The following TENM3 variants were observed in gnomAD, a reference collection of about 807,000 sequenced individuals.
The protein encoded by TENM3 is teneurin transmembrane protein 3.
A neutral mutation model predicts 255.1 loss-of-function variants in TENM3; 63 were observed. That is an observed-to-expected ratio of 0.25 (90% CI 0.20 to 0.30). The LOEUF is 0.30. TENM3 is among the 10% of genes least tolerant of loss of function. The pLI is 1.00. For missense variants in TENM3, 2,929 were observed against 3,461.1 expected (o/e 0.85, Z 3.86); for synonymous variants, 1,306 against 1,322.3 (o/e 0.99, Z 0.27).
chr4:182,286,502 G>A (rs79212936), intron 1 of TENM3, among the ~76,000 whole-genome samples: 3,059 of 152,178 alleles, frequency 0.02, 105 homozygotes, highest in African/African-American at 0.069. Context: ...CAACGCTGAC[G>A]GACCCCTCAA....
At chr4:182,151,004 T>C (rs1279153007) in intron 1 of TENM3, among the ~76,000 whole-genome samples, 1 of 152,118 alleles carries the variant, frequency 6.6e-6, no homozygotes, top group Non-Finnish European at 1.5e-5. Flanking sequence ...TAAATTATGC[T>C]CAACTAATAT....
chr4:182,457,757 C>G (rs761288152), intron 3 of TENM3, among the ~76,000 whole-genome samples: 19 of 151,954 alleles, frequency 1.3e-4, no homozygotes, highest in Non-Finnish European at 2.4e-4. Context: ...AAAAAGGGTC[C>G]CACCATATTG....
chr4:182,597,803 G>A (rs140518826), intron 3 of TENM3, among the ~76,000 whole-genome samples: 1,590 of 152,152 alleles, frequency 0.01, 26 homozygotes, highest in African/African-American at 0.036. Context: ...CTCATGTTTT[G>A]TAAGCCCAAA....
chr4:182,087,555 G>A, the TENM3 span, among the ~76,000 whole-genome samples: 3 of 152,128 alleles, frequency 2.0e-5, no homozygotes, highest in Admixed American at 6.5e-5. Context: ...GTTGAAGACA[G>A]CATTAATGTT....
upstream of TENM3, among the ~76,000 whole-genome samples, chr4:182,238,982 A>G (rs4861501): frequency 0.24 from 36,574 of 151,570 alleles, 5,537 homozygotes; most frequent in Admixed American, 0.37. Flanking sequence ...AATGTTCTTT[A>G]TATAAAAAAT....
chr4:182,694,925 AAAGT>A (rs1446935938), intron 12 of TENM3, among the ~76,000 whole-genome samples: 1 of 152,264 alleles, frequency 6.6e-6, no homozygotes, highest in African/African-American at 2.4e-5. Context: ...GTTAAATTAA[AAAGT>A]AAGTGACAAA....
At chr4:182,239,370 C>T (rs368891265), upstream of TENM3, among the ~76,000 whole-genome samples, 60 of 152,214 alleles carry the variant, frequency 3.9e-4, 1 homozygote, top group South Asian at 0.01. Context: ...TGAGCCACCG[C>T]GCCCGGCCAA....
the TENM3 span, among the ~76,000 whole-genome samples, chr4:182,123,370 C>A: frequency 3.9e-5 from 6 of 152,142 alleles, no homozygotes; most frequent in Admixed American, 1.3e-4. Flanking sequence ...TTGCTTTGTA[C>A]CCGCCTTCCT....
At chr4:182,552,148 T>C (rs958312792) in intron 3 of TENM3, among the ~76,000 whole-genome samples, 3 of 152,108 alleles carry the variant, frequency 2.0e-5, no homozygotes, top group African/African-American at 7.2e-5. Flanking sequence ...GTTCCATGAC[T>C]TAAAAATAAT....
intron 24 of TENM3, among the ~76,000 whole-genome samples, chr4:182,781,091 A>G (rs1765126466): frequency 1.3e-5 from 2 of 152,030 alleles, no homozygotes; most frequent in South Asian, 4.2e-4. Flanking sequence ...TTCCAACACT[A>G]TGTTGAATAG....
chr4:182,065,385 G>A, the TENM3 span, among the ~76,000 whole-genome samples: 3 of 152,180 alleles, frequency 2.0e-5, no homozygotes, highest in East Asian at 1.9e-4. Flanking sequence ...ACCGTTGCAC[G>A]TGTTGTGCAG....
chr4:181,706,109 G>A, the TENM3 span, among the ~76,000 whole-genome samples: 1 of 152,102 alleles, frequency 6.6e-6, no homozygotes. Context: ...TGAGAGCCAT[G>A]AGGGAGGAGC....
the TENM3 span, among the ~76,000 whole-genome samples, chr4:181,982,501 C>T: frequency 6.6e-6 from 1 of 152,160 alleles, no homozygotes; most frequent in East Asian, 1.9e-4. Flanking sequence ...CAGTCAGATG[C>T]TCTCCCTGAG....
At chr4:182,072,900 C>T in the TENM3 span, among the ~76,000 whole-genome samples, 2 of 152,046 alleles carry the variant, frequency 1.3e-5, no homozygotes, top group African/African-American at 4.8e-5. Context: ...GGAAATAGGG[C>T]CTTTAGGAAT....
chr4:182,134,042 G>T, the TENM3 span, among the ~76,000 whole-genome samples: 1 of 149,190 alleles, frequency 6.7e-6, no homozygotes, highest in South Asian at 2.2e-4. Context: ...CTTACAGGGG[G>T]TCTAAAGGCA....
the TENM3 span, among the ~76,000 whole-genome samples, chr4:182,088,707 G>A: frequency 2.6e-5 from 4 of 151,918 alleles, no homozygotes; most frequent in Admixed American, 6.6e-5. Flanking sequence ...GGTGGCAAGC[G>A]CCTGTAGTCC....
At chr4:182,662,618 C>T (rs1754322555) in intron 6 of TENM3, among the ~76,000 whole-genome samples, 1 of 152,108 alleles carries the variant, frequency 6.6e-6, no homozygotes, top group Non-Finnish European at 1.5e-5. Flanking sequence ...AGGTAGTGAT[C>T]TCAGTAAGGG....
intron 3 of TENM3, among the ~76,000 whole-genome samples, chr4:182,536,804 T>A (rs1439417548): frequency 6.6e-6 from 1 of 152,242 alleles, no homozygotes; most frequent in Non-Finnish European, 1.5e-5. Flanking sequence ...AAATCTCATC[T>A]GTTGCCTCTC....
chr4:182,121,612 T>G, the TENM3 span, among the ~76,000 whole-genome samples: 1 of 152,222 alleles, frequency 6.6e-6, no homozygotes, highest in African/African-American at 2.4e-5. Context: ...TATTAAACAT[T>G]TAATAGCATT....
Sources: allele counts gnomAD v4.1 joint callset (sites outside exome capture counted in the v4.1 genomes callset), GRCh38; gene constraint gnomAD v4.1.1; transcripts MANE v1.5; gene names NCBI Gene and HGNC (gene_info 2026-07-23, HGNC 2026-07-21).